HEXB: variants seen among roughly 807,000 people sequenced by gnomAD.
HEXB encodes the protein beta-hexosaminidase subunit beta.
A neutral mutation model predicts 71.2 loss-of-function variants in HEXB; 51 were observed. The ratio of observed to expected loss-of-function variants is 0.72; its 90% CI spans 0.57 to 0.90. The LOEUF (loss-of-function observed/expected upper bound fraction) is 0.90. Ranked by LOEUF, HEXB falls within the 40% of genes least tolerant of loss-of-function variation. The pLI is 0.00. For synonymous variants in HEXB, 266 were observed against 249.3 expected, an observed-to-expected ratio of 1.07 and a Z score of -0.63; for missense variants, 617 against 677.0, an observed-to-expected ratio of 0.91 and a Z score of 0.98.
At chr5:74,688,584 C>T (rs1748925732) in intron 1 of HEXB, among the ~76,000 whole-genome samples, 1 of 152,134 alleles carries the variant, frequency 6.6e-6, no homozygotes, top group Non-Finnish European at 1.5e-5. Flanking sequence ...ACCTCGTGAT[C>T]CTCCCGCCTT....
In HEXB at chr5:74,718,179, T is replaced by C. The variant is rs899667247; in HGVS notation, c.1170-112T>C. ...CTGCTTCTGCTATAAAGCTGAACTATACTAAAAGGCACCTCTCAAAATGCA... is the reference window on the plus strand; with the variant it reads ...CTGCTTCTGCTATAAAGCTGAACTACACTAAAAGGCACCTCTCAAAATGCA... On this transcript the variant is annotated intron_variant, in intron 9 of 13. Transcript: ENST00000261416. 12 of 784,530 alleles carry C rather than the reference T, an allele frequency of 1.5e-5. No homozygotes were observed. In the African/African-American group the frequency reaches 1.6e-4, roughly 10 times the overall value. 48.6% of individuals were successfully genotyped at this position (784,530 alleles called of 1,614,324 possible). A position where few individuals can be genotyped will look rare whatever the true frequency, so the allele number is the denominator to read the frequency against.
Position 74,720,672 on chromosome 5 carries a change from T to C in HEXB, c.1538T>C (p.Leu513Pro), listed in dbSNP as rs778501777. The C allele has an allele frequency of 2.5e-6, 4 of 1,614,066 alleles. No individual in the cohort carries two copies. In the Admixed American group the frequency reaches 5.0e-5, roughly 20 times the overall value. The change falls in exon 13 of 14, where the codon CTC becomes CCC. Residue 513 changes from leucine to proline, a missense_variant. By Grantham distance (98) the Leu-to-Pro change is moderately conservative. Coordinates refer to ENST00000261416, the MANE Select transcript of HEXB (RefSeq NM_000521.4). ...WPRASAVGER[L>P]WSSKDVRDMD... ...CGGGCAAGTGCTGTTGGTGAGAGAC[T>C]CTGGAGTTCCAAAGATGTCAGAGAT...
intron 1 of HEXB, among the ~76,000 whole-genome samples, chr5:74,654,898 G>C (rs1053469181): frequency 6.6e-6 from 1 of 152,180 alleles, no homozygotes; most frequent in African/African-American, 2.4e-5. Context: ...AACTGCAGAT[G>C]ATGCCATTGA....
intron 6 of HEXB, among the ~76,000 whole-genome samples, chr5:74,712,461 T>A (rs11746717): frequency 0.15 from 22,731 of 151,848 alleles, 1,974 homozygotes; most frequent in Admixed American, 0.23. Flanking sequence ...CTTTAAATTT[T>A]AAAAAAAAAT....
chr5:74,688,792 AT>A (rs1398912745), intron 1 of HEXB, among the ~76,000 whole-genome samples: 1 of 152,206 alleles, frequency 6.6e-6, no homozygotes, highest in African/African-American at 2.4e-5. Flanking sequence ...ACACATTAGG[AT>A]GTCCAAAAGT....
chr5:74,661,297 G>A (rs920066525), intron 1 of HEXB, among the ~76,000 whole-genome samples: 1 of 152,104 alleles, frequency 6.6e-6, no homozygotes, highest in Non-Finnish European at 1.5e-5. Flanking sequence ...ACGAGAATGG[G>A]GTGAAATCAA....
intron 6 of HEXB, among the ~76,000 whole-genome samples, chr5:74,709,847 C>A (rs373407277): frequency 6.6e-6 from 1 of 152,132 alleles, no homozygotes; most frequent in Non-Finnish European, 1.5e-5. Context: ...CAGCCGAATT[C>A]TACCAGAGGT....
In HEXB at chr5:74,713,612, G is replaced by C. The variant is rs1255790136; in HGVS notation, c.878G>C (p.Gly293Ala). The change falls in exon 7 of 14, where the codon GGG becomes GCG. Residue 293 changes from glycine (G) to alanine (A), a missense_variant. Transcript: ENST00000261416. ...GTCCTGCCAGAATTTGATACCCCTGGGCATACACTATCTTGGGGAAAAGGT... is the reference window on the plus strand; with the variant it reads ...GTCCTGCCAGAATTTGATACCCCTGCGCATACACTATCTTGGGGAAAAGGT... ...IRVLPEFDTP[G>A]HTLSWGKGQK... 3.7e-6 allele frequency: 6 copies of C among 1,613,082 alleles called. No homozygotes were observed. The highest frequency in any genetic ancestry group is 5.1e-6 in the Non-Finnish European group (6 of 1,179,314).
At chr5:74,699,011 C>A (rs2112145359) in intron 5 of HEXB, among the ~76,000 whole-genome samples, 1 of 151,874 alleles carries the variant, frequency 6.6e-6, no homozygotes, top group East Asian at 2.0e-4. Context: ...ATGGTGAAAC[C>A]CATCTCTACT....
At chr5:74,667,811 G>A (rs1231954154) in intron 1 of HEXB, among the ~76,000 whole-genome samples, 4 of 152,178 alleles carry the variant, frequency 2.6e-5, no homozygotes, top group Non-Finnish European at 5.9e-5. Flanking sequence ...TACTTCTGGA[G>A]TGCATCTTCT....
chr5:74,710,523 G>A (rs1749514391), intron 6 of HEXB, among the ~76,000 whole-genome samples: 1 of 152,112 alleles, frequency 6.6e-6, no homozygotes. Flanking sequence ...TGACATGATT[G>A]TATATCTAGA....
chr5:74,698,396 A>T (rs13169585), intron 5 of HEXB, among the ~76,000 whole-genome samples: 27,189 of 135,382 alleles, frequency 0.2, 2,649 homozygotes, highest in African/African-American at 0.27. Context: ...TATTATTATT[A>T]TTTTTTTTTC....
At chr5:74,664,256 C>A (rs1409103261) in intron 1 of HEXB, among the ~76,000 whole-genome samples, 5 of 144,102 alleles carry the variant, frequency 3.5e-5, no homozygotes, top group Non-Finnish European at 4.5e-5. Flanking sequence ...AACTCCATCT[C>A]AAAAAAAAAA....
intron 5 of HEXB, among the ~76,000 whole-genome samples, chr5:74,698,610 T>C (rs905961118): frequency 1.3e-5 from 2 of 148,786 alleles, no homozygotes; most frequent in Admixed American, 1.3e-4. Context: ...CAGGATGTTC[T>C]CAATCTCCTG....
intron 1 of HEXB, among the ~76,000 whole-genome samples, chr5:74,653,795 T>C (rs1324638861): frequency 1.3e-5 from 2 of 152,162 alleles, no homozygotes; most frequent in African/African-American, 4.8e-5. Flanking sequence ...AATGGAAAGA[T>C]AGCACATAAG....
chr5:74,711,051 T>A (rs879741781), intron 6 of HEXB, among the ~76,000 whole-genome samples: 1 of 148,870 alleles, frequency 6.7e-6, no homozygotes, highest in African/African-American at 2.5e-5. Flanking sequence ...AAGGCTACAG[T>A]AACCAAAACA....
intron 1 of HEXB, among the ~76,000 whole-genome samples, chr5:74,676,404 G>C (rs1748630711): frequency 6.6e-6 from 1 of 152,122 alleles, no homozygotes; most frequent in Non-Finnish European, 1.5e-5. Context: ...CTCAGCTTCT[G>C]GACTGAAGTG....
intron 1 of HEXB, among the ~76,000 whole-genome samples, chr5:74,650,775 A>G (rs555465946): frequency 6.6e-6 from 1 of 151,706 alleles, no homozygotes; most frequent in Non-Finnish European, 1.5e-5. Flanking sequence ...CAAAAAAAAA[A>G]ATTAGCTGGG....
At chr5:74,685,600 G>GGGAGA in intron 1 of HEXB, 41 bp downstream of exon 1, 3 of 1,509,898 alleles carry the variant, frequency 2.0e-6, no homozygotes, top group African/African-American at 2.8e-5. Flanking sequence ...CCTGGGGGAG[G>GGGAGA]GGAGAGGCGG....
Sources: allele counts gnomAD v4.1 joint callset (sites outside exome capture counted in the v4.1 genomes callset), GRCh38; gene constraint gnomAD v4.1.1; transcripts MANE v1.5; gene names NCBI Gene and HGNC (gene_info 2026-07-23, HGNC 2026-07-21).